Variants in SLC25A14 observed in about 807,000 individuals in gnomAD.
SLC25A14 encodes brain mitochondrial carrier protein 1.
A neutral mutation model predicts 28.1 loss-of-function variants in SLC25A14; 8 were observed. The observed-to-expected ratio is 0.28, with a 90% CI of 0.17 to 0.51. The LOEUF is 0.51. Among genes scored for constraint, SLC25A14 ranks in the 20% least tolerant of loss-of-function variants. The pLI, the probability that SLC25A14 is intolerant of heterozygous loss-of-function variation, is 0.97. For missense variants in SLC25A14, 135 were observed against 263.8 expected (o/e 0.51, Z 3.38); for synonymous variants, 74 against 90.6 (o/e 0.82, Z 1.04).
rs373647800 is a variant in SLC25A14 at position 130,349,385 on chromosome X, G to A, written c.412+40G>A. The A allele has an allele frequency of 1.3e-5, 11 of 871,814 alleles. No homozygotes were observed. The African/African-American group carries it at 1.8e-4, about 14-fold the overall frequency. 71.8% of individuals were successfully genotyped at this position (871,814 alleles called of 1,213,427 possible). A position where few individuals can be genotyped will look rare whatever the true frequency, so the allele number is the denominator to read the frequency against. On this transcript the variant is annotated intron_variant, in intron 5 of 10. Transcript: ENST00000545805. ...CCTCTTTTGAGGTGATACTCAAAGG[G>A]ATTGTTGAAATCATGCTTAGTGAGA...
intron 7 of SLC25A14, 200 bp downstream of exon 7, chrX:130,358,935 A>G: frequency 1.3e-6 from 1 of 784,793 alleles, no homozygotes. Flanking sequence ...TAGGTGGGGA[A>G]AGTTATTACA....
intron 6 of SLC25A14, among the ~76,000 whole-genome samples, chrX:130,351,129 G>A (rs891164295): frequency 6.3e-5 from 7 of 111,220 alleles, no homozygotes; most frequent in Admixed American, 1.9e-4. Context: ...AAACTGGTAC[G>A]AGAATGAATC....
At chrX:130,364,457 G>A (rs1370679490) in intron 7 of SLC25A14, among the ~76,000 whole-genome samples, 171 bp from the exon 8 acceptor site, 1 of 110,845 alleles carries the variant, frequency 9.0e-6, no homozygotes. Context: ...TATAGCAAGT[G>A]AATTGGAAAT....
chrX:130,350,765 T>C, intron 6 of SLC25A14, 34 bp downstream of exon 6: 1 of 926,931 alleles, frequency 1.1e-6, no homozygotes, highest in Non-Finnish European at 1.5e-6. Flanking sequence ...GAAAGGAGCA[T>C]AACTTTGAGT....
intron 2 of SLC25A14, among the ~76,000 whole-genome samples, chrX:130,343,552 A>G (rs1346895487): frequency 9.0e-6 from 1 of 111,583 alleles, no homozygotes; most frequent in African/African-American, 3.3e-5. Flanking sequence ...TAACTAAAAC[A>G]TTTAATCAGC....
intron 6 of SLC25A14, among the ~76,000 whole-genome samples, chrX:130,357,304 T>C (rs2033822660): frequency 8.9e-6 from 1 of 112,292 alleles, no homozygotes; most frequent in Non-Finnish European, 1.9e-5. Flanking sequence ...CCCTGTTGAG[T>C]CCTAGCTTTA....
At position 130,345,195 on chromosome X, in the gene SLC25A14, C is replaced by T; in HGVS notation, c.89C>T (p.Thr30Ile). The T allele has an allele frequency of 8.4e-7, 1 of 1,194,400 alleles. No homozygotes were observed. The highest frequency in any genetic ancestry group is 1.1e-6 in the Non-Finnish European group (1 of 879,829). ...AVIVSGHQKS[T>I]TVSHEMSGLN... ...GTTTATTTTTAGCACCAGAAAAGTA[C>T]CACTGTAAGTCATGAGATGTCTGGT... The change falls in exon 3 of 11, where the codon ACC (threonine) becomes ATC (isoleucine). Residue 30 changes from threonine (T) to isoleucine (I), a missense_variant. Coordinates refer to ENST00000545805, the MANE Select transcript of SLC25A14 (RefSeq NM_001282195.2).
chrX:130,340,201 C>T lies in SLC25A14; in HGVS notation c.-78C>T. On this transcript the variant is annotated 5_prime_UTR_variant, in exon 2 of 11. Transcript: ENST00000545805. ...CTCGACCCCCCTGGGAGGCCGCCTT[C>T]TTCAGGCGCCTCCCTTCTCTCCACG... The T allele has an allele frequency of 8.4e-7, 1 of 1,191,309 alleles. No individual in the cohort carries two copies. Among genetic ancestry groups the T allele is most frequent in the Non-Finnish European group, 1.1e-6 (1 of 886,823 alleles).
chrX:130,363,280 T>C (rs777025174), intron 7 of SLC25A14, among the ~76,000 whole-genome samples: 6 of 112,591 alleles, frequency 5.3e-5, no homozygotes, highest in Admixed American at 1.9e-4. Context: ...AGGTATTTCA[T>C]GTAAATGGAA....
At chrX:130,371,875 A>G (rs2034271462) in intron 10 of SLC25A14, among the ~76,000 whole-genome samples, 1 of 112,317 alleles carries the variant, frequency 8.9e-6, no homozygotes. Context: ...CAAAATGACA[A>G]CAAACACAGC....
intron 6 of SLC25A14, among the ~76,000 whole-genome samples, chrX:130,351,782 G>A (rs999198387): frequency 2.7e-5 from 3 of 111,583 alleles, no homozygotes; most frequent in African/African-American, 9.8e-5. Flanking sequence ...TGAGAACAGA[G>A]AGAAAGACAT....
intron 4 of SLC25A14, among the ~76,000 whole-genome samples, chrX:130,347,685 T>A (rs73229034): frequency 0.048 from 5,323 of 111,552 alleles, 108 homozygotes; most frequent in Non-Finnish European, 0.068. Context: ...TTGATTTTTT[T>A]AAAAAAATCT....
chrX:130,371,998 T>C (rs2034273490), intron 10 of SLC25A14, among the ~76,000 whole-genome samples: 1 of 111,741 alleles, frequency 8.9e-6, no homozygotes, highest in Non-Finnish European at 1.9e-5. Context: ...CCAAAATAGC[T>C]GGGAAATAAA....
At chrX:130,345,486 T>C (rs1010978) in intron 3 of SLC25A14, among the ~76,000 whole-genome samples, 39,089 of 110,614 alleles carry the variant, frequency 0.35, 5,397 homozygotes, top group Non-Finnish European at 0.44. Flanking sequence ...GCTTTTTTGG[T>C]AGTTTAGTGA....
chrX:130,364,865 C>T (rs2034076256), intron 8 of SLC25A14, 113 bp downstream of exon 8: 8 of 1,103,907 alleles, frequency 7.2e-6, no homozygotes, highest in Middle Eastern at 2.6e-4. Context: ...CCTAAATTCC[C>T]TTGTCTCTCC....
At chrX:130,356,856 C>G (rs1415004564) in intron 6 of SLC25A14, among the ~76,000 whole-genome samples, 3 of 111,638 alleles carry the variant, frequency 2.7e-5, no homozygotes, top group Non-Finnish European at 5.6e-5. Flanking sequence ...CAACTTTGTC[C>G]TTTCCCCACC....
Position 130,340,115 on chromosome X carries a change from C to T in SLC25A14, c.-164C>T, listed in dbSNP as rs2124739831. 1 of 1,094,962 alleles carries T rather than the reference C, an allele frequency of 9.1e-7. No homozygotes were observed. The highest frequency in any genetic ancestry group is 2.3e-5 in the South Asian group (1 of 43,120). The allele number at this position is 1,094,962 out of a possible 1,213,427, so 90.2% of individuals were successfully genotyped here. A position where few individuals can be genotyped will look rare whatever the true frequency, so the allele number is the denominator to read the frequency against. On this transcript the variant is annotated 5_prime_UTR_variant, in exon 2 of 11. Transcript: ENST00000545805. ...TCTCTCTCTCCCCTCAGCTGAGTCC[C>T]TTCCCTGTCTTTCACTCTTCTGGCA...
intron 10 of SLC25A14, 60 bp downstream of exon 10, chrX:130,371,704 GA>G (rs2034266967): frequency 1.1e-6 from 1 of 874,929 alleles, no homozygotes; most frequent in Admixed American, 2.3e-5. Flanking sequence ...TAGGCTATGG[GA>G]AGGAAAATTT....
chrX:130,354,462 G>C (rs1488116531), intron 6 of SLC25A14, among the ~76,000 whole-genome samples: 1 of 112,127 alleles, frequency 8.9e-6, no homozygotes, highest in Non-Finnish European at 1.9e-5. Context: ...GTTAGGTTAT[G>C]GGCTAAGCTA....
Sources: gnomAD v4.1 joint callset for allele counts (sites outside exome capture counted in the v4.1 genomes callset) on GRCh38, gnomAD v4.1.1 for gene constraint, MANE v1.5 for transcripts, NCBI Gene and HGNC (gene_info 2026-07-23, HGNC 2026-07-21) for gene names.